Variants in ZSWIM5 observed in about 807,000 individuals in gnomAD.
ZSWIM5 encodes zinc finger SWIM domain-containing protein 5.
ZSWIM5 carries 55 observed loss-of-function variants against 119.6 expected under a neutral mutation model. That is an observed-to-expected ratio of 0.46 (90% CI 0.37 to 0.58). The LOEUF (loss-of-function observed/expected upper bound fraction) is 0.58. ZSWIM5 is among the 20% of genes least tolerant of loss of function. ZSWIM5 has a pLI of 0.00. For missense variants in ZSWIM5, 1,193 were observed against 1,512.8 expected (o/e 0.79, Z 3.51); for synonymous variants, 537 against 606.9 (o/e 0.88, Z 1.69).
chr1:45,043,295 A>T lies in ZSWIM5; in HGVS notation c.1533T>A (p.Asp511Glu), dbSNP rs771045032. The change falls in exon 6 of 14, where the codon GAT (aspartate) becomes GAA (glutamate). Residue 511 changes from aspartate (D) to glutamate (E), a missense_variant. Asp to Glu is a conservative substitution (Grantham distance 45). Transcript: ENST00000359600. ...GCTGGCAGGCAGGAGCTGTATAAAC[A>T]TCACTGCTGATTATTCGCTGTAGGT... is the stretch of plus-strand genomic sequence containing the variant. ...DSHLQRIISS[D>E]VYTAPACQRE... The T allele has an allele frequency of 1.4e-5, 23 of 1,614,106 alleles. No homozygotes were observed. The South Asian group carries it at 2.4e-4, about 17-fold the overall frequency.
intron 1 of ZSWIM5, among the ~76,000 whole-genome samples, chr1:45,202,616 C>T (rs183944825): frequency 2.0e-5 from 3 of 152,076 alleles, no homozygotes; most frequent in Admixed American, 6.5e-5. Context: ...TGGATAAATA[C>T]GTACATAACT....
At chr1:45,187,076 A>AGATTTT (rs1222627435) in intron 1 of ZSWIM5, among the ~76,000 whole-genome samples, 1 of 152,230 alleles carries the variant, frequency 6.6e-6, no homozygotes, top group East Asian at 1.9e-4. Flanking sequence ...AATCCCAACT[A>AGATTTT]GATTTTTTTT....
intron 1 of ZSWIM5, among the ~76,000 whole-genome samples, chr1:45,186,448 GAA>G (rs879364898): frequency 7.1e-5 from 10 of 141,126 alleles, no homozygotes; most frequent in African/African-American, 2.6e-4. Flanking sequence ...TGAACCTCAG[GAA>G]AAAAAAAAAT....
chr1:45,140,231 G>T (rs1645718026), intron 1 of ZSWIM5, among the ~76,000 whole-genome samples: 1 of 152,152 alleles, frequency 6.6e-6, no homozygotes, highest in African/African-American at 2.4e-5. Context: ...ACCTGTTTCT[G>T]TGAATAAAGT....
intron 1 of ZSWIM5, among the ~76,000 whole-genome samples, chr1:45,143,645 C>T (rs186736254): frequency 2.6e-5 from 4 of 152,218 alleles, no homozygotes; most frequent in African/African-American, 9.6e-5. Context: ...CTATTGAACA[C>T]TGTACTGAAA....
intron 1 of ZSWIM5, among the ~76,000 whole-genome samples, chr1:45,089,802 G>A (rs959539741): frequency 6.6e-6 from 1 of 151,992 alleles, no homozygotes; most frequent in African/African-American, 2.4e-5. Flanking sequence ...GTGAGACCCT[G>A]TCTCTACACA....
chr1:45,112,172 G>C (rs1645522686), intron 1 of ZSWIM5, among the ~76,000 whole-genome samples: 1 of 152,116 alleles, frequency 6.6e-6, no homozygotes, highest in Non-Finnish European at 1.5e-5. Flanking sequence ...CTGGCTCCCT[G>C]TTCCCCATTC....
At chr1:45,147,584 C>CAAAA (rs11409330) in intron 1 of ZSWIM5, among the ~76,000 whole-genome samples, 31 of 93,206 alleles carry the variant, frequency 3.3e-4, no homozygotes, top group East Asian at 1.5e-3. Flanking sequence ...TTTACACATG[C>CAAAA]AAAAAAAAAA....
At chr1:45,205,446 T>C (rs1336188853) in intron 1 of ZSWIM5, among the ~76,000 whole-genome samples, 1 of 152,198 alleles carries the variant, frequency 6.6e-6, no homozygotes, top group Non-Finnish European at 1.5e-5. Context: ...AACACATTTC[T>C]GAAATTATTA....
chr1:45,192,243 C>T (rs1313933288), intron 1 of ZSWIM5, among the ~76,000 whole-genome samples: 1 of 152,178 alleles, frequency 6.6e-6, no homozygotes, highest in Non-Finnish European at 1.5e-5. Context: ...TTTTCATCCT[C>T]CCATACTAAA....
At chr1:45,191,994 T>C (rs1646095686) in intron 1 of ZSWIM5, among the ~76,000 whole-genome samples, 1 of 152,108 alleles carries the variant, frequency 6.6e-6, no homozygotes, top group Admixed American at 6.5e-5. Context: ...CAGAAGGAAA[T>C]CCCATACCCA....
In ZSWIM5 at chr1:45,073,715, G is replaced by A. The variant is rs117228000; in HGVS notation, c.953-13468C>T. On this transcript the variant is annotated intron_variant, in intron 2 of 13. Coordinates refer to ENST00000359600, the MANE Select transcript of ZSWIM5 (RefSeq NM_020883.2). ...TGACTTCTTCCTTTCCAATTTAAAT[G>A]CCCCTTATTTCTCTCTCTTCTTTGC... is the stretch of plus-strand genomic sequence containing the variant. Among the ~76,000 whole-genome samples the A allele has an allele frequency of 8.1e-4, 123 of 151,790 alleles. 1 individual carries two copies. The East Asian group carries it at 0.021, about 26-fold the overall frequency.
chr1:45,125,845 C>T (rs1255227576), intron 1 of ZSWIM5, among the ~76,000 whole-genome samples: 8 of 150,728 alleles, frequency 5.3e-5, no homozygotes, highest in Non-Finnish European at 8.8e-5. Context: ...GCAGGAGAAT[C>T]GCTTGAGGCC....
chr1:45,119,097 CCAACAGGTT>C (rs1645576439), intron 1 of ZSWIM5, among the ~76,000 whole-genome samples: 1 of 152,134 alleles, frequency 6.6e-6, no homozygotes, highest in Admixed American at 6.5e-5. Flanking sequence ...AGAAAAGCAG[CCAACAGGTT>C]CAACAGAAAC....
intron 1 of ZSWIM5, among the ~76,000 whole-genome samples, chr1:45,161,034 C>CCAG (rs1645861240): frequency 6.9e-6 from 1 of 144,664 alleles, no homozygotes; most frequent in Non-Finnish European, 1.5e-5. Context: ...ACCATGTTGG[C>CCAG]CAGGCTGGTC....
chr1:45,124,374 A>G (rs1645608887), intron 1 of ZSWIM5, among the ~76,000 whole-genome samples: 1 of 152,160 alleles, frequency 6.6e-6, no homozygotes. Context: ...ACTTCACTTG[A>G]AGTGGTAAAA....
At chr1:45,087,857 T>TC in intron 2 of ZSWIM5, 24 bp downstream of exon 2, 10 of 1,545,380 alleles carry the variant, frequency 6.5e-6, no homozygotes, top group Non-Finnish European at 7.9e-6. Flanking sequence ...ACCTTTTTTT[T>TC]CAATAAAAAA....
chr1:45,024,192 C>CTTTTTTTTTTTTTTT (rs59909524), intron 11 of ZSWIM5, among the ~76,000 whole-genome samples: 2 of 129,534 alleles, frequency 1.5e-5, no homozygotes, highest in South Asian at 2.4e-4. Context: ...CTTTTCTTTT[C>CTTTTTTTTTTTTTTT]TTTTTTTTTT....
intron 11 of ZSWIM5, among the ~76,000 whole-genome samples, chr1:45,031,347 T>A (rs1334103752): frequency 6.6e-6 from 1 of 151,594 alleles, no homozygotes. Flanking sequence ...CACGCAATTT[T>A]TTTTTTTTGT....
Sources: allele counts gnomAD v4.1 joint callset (sites outside exome capture counted in the v4.1 genomes callset), GRCh38; gene constraint gnomAD v4.1.1; transcripts MANE v1.5; gene names NCBI Gene and HGNC (gene_info 2026-07-23, HGNC 2026-07-21).